Variants in MARCHF1 observed in about 807,000 individuals in gnomAD.
MARCHF1 encodes E3 ubiquitin-protein ligase MARCHF1.
In MARCHF1, 40 loss-of-function variants were observed where a neutral mutation model predicts 54.2. The ratio of observed to expected loss-of-function variants is 0.74; its 90% CI spans 0.57 to 0.96. MARCHF1 has a LOEUF of 0.96. Among genes scored for constraint, MARCHF1 ranks in the 40% least tolerant of loss-of-function variants. MARCHF1 has a pLI of 0.00. For missense variants in MARCHF1, 586 were observed against 656.5 expected, an observed-to-expected ratio of 0.89 and a Z score of 1.17; for synonymous variants, 236 against 236.3, an observed-to-expected ratio of 1.00 and a Z score of 0.01.
intron 1 of MARCHF1, among the ~76,000 whole-genome samples, chr4:164,368,332 CATAAAT>C (rs1320433552): frequency 2.1e-5 from 2 of 96,102 alleles, no homozygotes; most frequent in African/African-American, 6.3e-5. Flanking sequence ...TCTAGAAAAA[CATAAAT>C]ATAATTTAAA....
intron 2 of MARCHF1, among the ~76,000 whole-genome samples, chr4:164,094,427 C>T (rs921259434): frequency 4.6e-5 from 7 of 152,162 alleles, no homozygotes; most frequent in African/African-American, 1.4e-4. Flanking sequence ...CAAAAAGAGA[C>T]GCTAATCTCC....
At chr4:163,879,115 A>G (rs988748900) in intron 3 of MARCHF1, among the ~76,000 whole-genome samples, 7 of 152,228 alleles carry the variant, frequency 4.6e-5, no homozygotes, top group African/African-American at 1.7e-4. Context: ...TCTTTAAGGC[A>G]ATCGTGAAAG....
intron 1 of MARCHF1, among the ~76,000 whole-genome samples, chr4:164,167,276 A>G (rs1014859487): frequency 6.6e-6 from 1 of 151,836 alleles, no homozygotes; most frequent in African/African-American, 2.4e-5. Flanking sequence ...AAGAAATTGA[A>G]GAAGATACAA....
At chr4:163,877,755 C>T (rs1217739485) in intron 3 of MARCHF1, among the ~76,000 whole-genome samples, 1 of 152,166 alleles carries the variant, frequency 6.6e-6, no homozygotes, top group East Asian at 1.9e-4. Context: ...CAGCTACCAT[C>T]TTGGATCTCC....
At chr4:164,057,345 G>C (rs1358366479) in intron 2 of MARCHF1, among the ~76,000 whole-genome samples, 1 of 152,250 alleles carries the variant, frequency 6.6e-6, no homozygotes, top group Middle Eastern at 3.4e-3. Flanking sequence ...TGTGGTAGAA[G>C]TTTCATTAAA....
At chr4:164,347,736 T>G (rs893644083) in intron 1 of MARCHF1, among the ~76,000 whole-genome samples, 1 of 152,138 alleles carries the variant, frequency 6.6e-6, no homozygotes, top group African/African-American at 2.4e-5. Flanking sequence ...AGTTCTGCAG[T>G]TACTAGAAGG....
intron 4 of MARCHF1, among the ~76,000 whole-genome samples, chr4:163,813,797 G>C (rs959721880): frequency 6.6e-6 from 1 of 152,172 alleles, no homozygotes; most frequent in Non-Finnish European, 1.5e-5. Flanking sequence ...GAGAAGCTGA[G>C]TGTTGGGAGA....
chr4:164,203,293 G>A (rs1400577044), intron 1 of MARCHF1, among the ~76,000 whole-genome samples: 1 of 151,960 alleles, frequency 6.6e-6, no homozygotes, highest in Non-Finnish European at 1.5e-5. Flanking sequence ...GGATAGGGGT[G>A]TGTGGCTGTG....
intron 1 of MARCHF1, among the ~76,000 whole-genome samples, chr4:164,346,116 CATT>C (rs1332611717): frequency 6.6e-6 from 1 of 152,164 alleles, no homozygotes; most frequent in Non-Finnish European, 1.5e-5. Flanking sequence ...CTTATGACCA[CATT>C]ATTTCTTTGG....
Position 163,757,902 on chromosome 4 carries a change from C to T in MARCHF1, c.112-57039G>A, listed in dbSNP as rs373362247. Reference sequence around the variant, plus strand: ...CATTCGTTCACAGGGAGCTTGAGTCCAGCCTATTAATAGGGTCAAAATGAT... The same window carrying T: ...CATTCGTTCACAGGGAGCTTGAGTCTAGCCTATTAATAGGGTCAAAATGAT... On this transcript the variant is annotated intron_variant, in intron 4 of 9. Coordinates refer to ENST00000514618, the MANE Select transcript of MARCHF1 (RefSeq NM_001394959.1). Among the ~76,000 whole-genome samples the T allele has an allele frequency of 1.3e-3, 192 of 152,218 alleles. 1 individual carries two copies. The highest frequency in any genetic ancestry group is 4.6e-3 in the African/African-American group (190 of 41,540).
chr4:163,919,887 A>C (rs1240474655), intron 3 of MARCHF1, among the ~76,000 whole-genome samples: 1 of 152,170 alleles, frequency 6.6e-6, no homozygotes, highest in Admixed American at 6.6e-5. Context: ...TCTACAAGAA[A>C]GTATAGGTCC....
chr4:164,190,030 CA>C (rs542152889), intron 1 of MARCHF1: 412 of 1,387,240 alleles, frequency 3.0e-4, no homozygotes, highest in Non-Finnish European at 4.0e-4. Flanking sequence ...GAGGAAGACA[CA>C]AAGCTCAAGG....
chr4:163,958,296 A>C (rs2110802724), intron 3 of MARCHF1, among the ~76,000 whole-genome samples: 1 of 151,598 alleles, frequency 6.6e-6, no homozygotes, highest in South Asian at 2.1e-4. Context: ...TTATCATCTG[A>C]CTTAATACAT....
At chr4:164,305,800 C>T (rs79844790) in intron 1 of MARCHF1, among the ~76,000 whole-genome samples, 16,493 of 151,968 alleles carry the variant, frequency 0.11, 1,239 homozygotes, top group Admixed American at 0.22. Context: ...ATGTTCCAGA[C>T]GAAGAATATG....
intron 1 of MARCHF1, chr4:164,188,406 C>T (rs988173772): frequency 5.7e-6 from 3 of 530,560 alleles, no homozygotes; most frequent in African/African-American, 3.8e-5. Flanking sequence ...CTGGTGGCGG[C>T]GATGCTGCTG....
At chr4:163,533,549 C>T (rs975462369) in intron 9 of MARCHF1, among the ~76,000 whole-genome samples, 1 of 151,702 alleles carries the variant, frequency 6.6e-6, no homozygotes. Flanking sequence ...AAATGTACCA[C>T]GTTGAGGCAA....
At chr4:163,783,655 G>T (rs1434416054) in intron 4 of MARCHF1, among the ~76,000 whole-genome samples, 2 of 152,140 alleles carry the variant, frequency 1.3e-5, no homozygotes, top group East Asian at 3.8e-4. Flanking sequence ...AATTATGAAG[G>T]AGGCATTTAA....
intron 7 of MARCHF1, among the ~76,000 whole-genome samples, chr4:163,599,064 G>A (rs1039841038): frequency 3.3e-5 from 5 of 151,852 alleles, no homozygotes; most frequent in Admixed American, 6.6e-5. Flanking sequence ...CAAGGCAGGC[G>A]GATCGCCTAA....
intron 7 of MARCHF1, among the ~76,000 whole-genome samples, chr4:163,602,430 T>C (rs1412787080): frequency 1.3e-5 from 2 of 152,064 alleles, no homozygotes; most frequent in Non-Finnish European, 2.9e-5. Flanking sequence ...TAGAGAGCCA[T>C]TTTACCTTTT....
Sources: gnomAD v4.1 joint callset for allele counts (sites outside exome capture counted in the v4.1 genomes callset) on GRCh38, gnomAD v4.1.1 for gene constraint, MANE v1.5 for transcripts, NCBI Gene and HGNC (gene_info 2026-07-23, HGNC 2026-07-21) for gene names.